The following ZC3H12B variants were observed in gnomAD, a reference collection of about 807,000 sequenced individuals.
ZC3H12B encodes probable ribonuclease ZC3H12B.
ZC3H12B carries 7 observed loss-of-function variants against 43.9 expected under a neutral mutation model. That is an observed-to-expected ratio of 0.16 (90% CI 0.09 to 0.30). ZC3H12B has a LOEUF of 0.30. ZC3H12B is among the 10% of genes least tolerant of loss of function. The pLI is 1.00. For synonymous variants in ZC3H12B, 222 were observed against 241.7 expected, an observed-to-expected ratio of 0.92 and a Z score of 0.76; for missense variants, 475 against 670.2, an observed-to-expected ratio of 0.71 and a Z score of 3.22.
At chrX:65,266,967 C>A in the ZC3H12B span, among the ~76,000 whole-genome samples, 3 of 110,462 alleles carry the variant, frequency 2.7e-5, no homozygotes, top group Non-Finnish European at 5.7e-5. Flanking sequence ...GGAATAAGGA[C>A]GTTTTAAAGC....
At chrX:65,339,646 C>A in the ZC3H12B span, among the ~76,000 whole-genome samples, 1 of 111,649 alleles carries the variant, frequency 9.0e-6, no homozygotes, top group Non-Finnish European at 1.9e-5. Flanking sequence ...GCTCATCAGA[C>A]AAGGCCAGTC....
At chrX:65,123,177 G>A in the ZC3H12B span, among the ~76,000 whole-genome samples, 2 of 101,207 alleles carry the variant, frequency 2.0e-5, no homozygotes, top group African/African-American at 9.6e-5. Flanking sequence ...TGGATCTGTT[G>A]ACAAAATCAT....
At chrX:65,174,577 G>T in the ZC3H12B span, among the ~76,000 whole-genome samples, 4 of 111,980 alleles carry the variant, frequency 3.6e-5, no homozygotes, top group Non-Finnish European at 7.5e-5. Flanking sequence ...TGCCCTGCCA[G>T]CGAGGAGGAA....
rs781782142 is a variant in ZC3H12B, at chrX:65,406,458, A to T, written n.407+7754A>T. Reference sequence around the variant, plus strand: ...TAAAATTCAACATCCCTTCATGATTAAAAAAAAAAAAAAGCTCTCATAAAA... The same window carrying T: ...TAAAATTCAACATCCCTTCATGATTTAAAAAAAAAAAAAGCTCTCATAAAA... On this transcript the variant is annotated intron_variant and non_coding_transcript_variant, in intron 3 of 5. Coordinates refer to the ZC3H12B transcript ENST00000617377. Among the ~76,000 whole-genome samples the T allele has an allele frequency of 3.2e-3, 298 of 92,152 alleles. 2 individuals carry two copies. The highest frequency in any genetic ancestry group is 0.011 in the African/African-American group (284 of 24,735). The allele number at this position is 92,152 out of a possible 115,157, so 80.0% of individuals were successfully genotyped here.
At chrX:65,316,717 G>T in the ZC3H12B span, among the ~76,000 whole-genome samples, 35 of 111,850 alleles carry the variant, frequency 3.1e-4, no homozygotes, top group Non-Finnish European at 4.9e-4. Context: ...GACCATTGAT[G>T]CTATAAAGCA....
chrX:65,416,598 G>A (rs781067832), intron 3 of ZC3H12B, among the ~76,000 whole-genome samples: 3 of 104,994 alleles, frequency 2.9e-5, no homozygotes, highest in African/African-American at 1.1e-4. Context: ...TAGCTAACAC[G>A]GTGAAACCCC....
the ZC3H12B span, among the ~76,000 whole-genome samples, chrX:65,042,795 A>G: frequency 2.4e-3 from 266 of 112,076 alleles, no homozygotes; most frequent in Middle Eastern, 4.6e-3. Context: ...GAAAGTGCAG[A>G]AAGTGTAGTC....
chrX:65,285,822 C>T, the ZC3H12B span, among the ~76,000 whole-genome samples: 9 of 110,565 alleles, frequency 8.1e-5, no homozygotes, highest in South Asian at 3.9e-4. Flanking sequence ...CAAATGGCAC[C>T]GCTATGGAAA....
intron 3 of ZC3H12B, among the ~76,000 whole-genome samples, chrX:65,451,224 A>G (rs1467043416): frequency 9.0e-6 from 1 of 111,006 alleles, no homozygotes; most frequent in South Asian, 3.8e-4. Flanking sequence ...TCCTGGGATT[A>G]CAGGTGTGAG....
chrX:65,401,653 G>T (rs2066763928), intron 3 of ZC3H12B, among the ~76,000 whole-genome samples: 1 of 111,877 alleles, frequency 8.9e-6, no homozygotes, highest in South Asian at 3.7e-4. Flanking sequence ...AGGCTGCACA[G>T]CTTGAGGCTC....
At chrX:65,206,081 A>G in the ZC3H12B span, among the ~76,000 whole-genome samples, 1 of 112,318 alleles carries the variant, frequency 8.9e-6, no homozygotes, top group Non-Finnish European at 1.9e-5. Flanking sequence ...AAATAACCAT[A>G]CTGCCAAAAG....
At chrX:65,469,325 T>C in intron 3 of ZC3H12B, 1 of 355,469 alleles carries the variant, frequency 2.8e-6, no homozygotes, top group Non-Finnish European at 5.3e-6. Flanking sequence ...TCTTCATTGA[T>C]GTTATAGAGT....
the ZC3H12B span, among the ~76,000 whole-genome samples, chrX:65,251,694 T>A: frequency 4.5e-5 from 5 of 111,721 alleles, no homozygotes; most frequent in Admixed American, 4.7e-4. Flanking sequence ...TTATTCCCTT[T>A]GAAGCAATTG....
chrX:65,257,183 G>T, the ZC3H12B span, among the ~76,000 whole-genome samples: 1 of 111,973 alleles, frequency 8.9e-6, no homozygotes, highest in African/African-American at 3.3e-5. Flanking sequence ...ATTCACAACA[G>T]CAAAGACTTG....
the ZC3H12B span, among the ~76,000 whole-genome samples, chrX:65,098,782 G>A: frequency 9.0e-6 from 1 of 111,089 alleles, no homozygotes; most frequent in African/African-American, 3.3e-5. Flanking sequence ...AGGGCCCTGG[G>A]TTTCAAGCAC....
the ZC3H12B span, among the ~76,000 whole-genome samples, chrX:65,193,237 C>T: frequency 1.8e-5 from 2 of 110,037 alleles, no homozygotes; most frequent in Non-Finnish European, 3.8e-5. Flanking sequence ...GGAGGGTTGA[C>T]ATTAGTTCTT....
At chrX:65,396,655 G>A (rs758468589) in intron 2 of ZC3H12B, among the ~76,000 whole-genome samples, 1 of 110,524 alleles carries the variant, frequency 9.0e-6, no homozygotes, top group African/African-American at 3.3e-5. Context: ...GTGCTATGTG[G>A]TGCTGAGAAG....
chrX:65,134,859 G>T, the ZC3H12B span, among the ~76,000 whole-genome samples: 5 of 111,326 alleles, frequency 4.5e-5, no homozygotes, highest in African/African-American at 1.6e-4. Flanking sequence ...GATTTGGGTA[G>T]GTAAGGGAAA....
the ZC3H12B span, among the ~76,000 whole-genome samples, chrX:65,194,903 TTCA>T: frequency 9.8e-5 from 11 of 112,257 alleles, no homozygotes; most frequent in Non-Finnish European, 1.7e-4. Flanking sequence ...CAACGAATCC[TTCA>T]TCATTATATA....
Sources: allele counts gnomAD v4.1 joint callset (sites outside exome capture counted in the v4.1 genomes callset), GRCh38; gene constraint gnomAD v4.1.1; transcripts MANE v1.5; gene names NCBI Gene and HGNC (gene_info 2026-07-23, HGNC 2026-07-21).